The following DYM variants were observed in gnomAD, a reference collection of about 807,000 sequenced individuals.
DYM encodes the protein dyggve-Melchior-Clausen syndrome protein.
In DYM, 78 loss-of-function variants were observed where a neutral mutation model predicts 93.1. The observed-to-expected ratio is 0.84, with a 90% CI of 0.70 to 1.01. The LOEUF is 1.01. Among genes scored for constraint, DYM ranks in the 50% least tolerant of loss-of-function variants. DYM has a pLI of 0.00. For synonymous variants in DYM, 321 were observed against 319.7 expected (o/e 1.00, Z -0.04); for missense variants, 789 against 845.0 (o/e 0.93, Z 0.82).
intron 17 of DYM, among the ~76,000 whole-genome samples, chr18:49,047,715 C>T (rs748994266): frequency 2.0e-5 from 3 of 152,066 alleles, no homozygotes; most frequent in East Asian, 1.9e-4. Context: ...GATTCCAGCC[C>T]GACATGGGGT....
chr18:49,149,897 CG>C (rs1568499739), intron 15 of DYM, among the ~76,000 whole-genome samples: 1 of 151,730 alleles, frequency 6.6e-6, no homozygotes, highest in Non-Finnish European at 1.5e-5. Flanking sequence ...TTAGTAGAGA[CG>C]GGGTTTCACC....
chr18:49,239,426 C>G (rs942439336), intron 13 of DYM, among the ~76,000 whole-genome samples: 2 of 152,220 alleles, frequency 1.3e-5, no homozygotes, highest in Non-Finnish European at 2.9e-5. Context: ...AAGATGGCCA[C>G]AAATGAACCA....
At chr18:49,285,681 T>C (rs1314935341) in intron 9 of DYM, among the ~76,000 whole-genome samples, 1 of 152,230 alleles carries the variant, frequency 6.6e-6, no homozygotes. Flanking sequence ...TACACTATGA[T>C]ATTCACACAG....
chr18:49,217,061 G>A (rs1453516037), intron 13 of DYM, among the ~76,000 whole-genome samples: 1 of 152,218 alleles, frequency 6.6e-6, no homozygotes, highest in Non-Finnish European at 1.5e-5. Context: ...GTGCTTAAAG[G>A]AGCTGATGGA....
At position 49,292,340 on chromosome 18, in the gene DYM, A is replaced by AGGCAGG. The variant is rs1568187464; in HGVS notation, c.764-5725_764-5724insCCTGCC. 8.4e-5 allele frequency among the ~76,000 whole-genome samples: 8 copies of AGGCAGG among 95,466 alleles called. No individual in the cohort carries two copies. The South Asian group carries it at 2.7e-3, about 32-fold the overall frequency. The allele number at this position is 95,466 out of a possible 152,430, so 62.6% of individuals were successfully genotyped here. A position where few individuals can be genotyped will look rare whatever the true frequency, so the allele number is the denominator to read the frequency against. The stretch of plus-strand genomic sequence containing the variant: ...GGCAGGCAGGCAGGCAGGCAGGCAG[A>AGGCAGG]CAGACAGACAGACAGACACACACAC... On this transcript the variant is annotated intron_variant, in intron 8 of 17. Transcript: ENST00000675505.
chr18:49,212,395 C>CA (rs1392500466), intron 13 of DYM, among the ~76,000 whole-genome samples: 2 of 150,856 alleles, frequency 1.3e-5, no homozygotes, highest in Non-Finnish European at 3.0e-5. Context: ...TCAACCATTT[C>CA]AAAAAAAAGA....
intron 10 of DYM, among the ~76,000 whole-genome samples, chr18:49,275,263 A>G (rs1310556674): frequency 6.6e-6 from 1 of 152,142 alleles, no homozygotes; most frequent in African/African-American, 2.4e-5. Context: ...CCCTGGCTAA[A>G]AATCAGTTGA....
At chr18:49,248,486 A>C (rs1598890416) in intron 13 of DYM, among the ~76,000 whole-genome samples, 1 of 152,204 alleles carries the variant, frequency 6.6e-6, no homozygotes, top group Non-Finnish European at 1.5e-5. Flanking sequence ...AGAGATGAAA[A>C]ATAAGTTAAA....
chr18:49,426,878 AC>A (rs1209930073), intron 2 of DYM, among the ~76,000 whole-genome samples: 3 of 151,884 alleles, frequency 2.0e-5, no homozygotes, highest in African/African-American at 4.8e-5. Context: ...GATTACACCA[AC>A]CCCTTCCTGA....
chr18:49,202,563 G>C (rs1156999063), intron 14 of DYM, among the ~76,000 whole-genome samples: 1 of 129,642 alleles, frequency 7.7e-6, no homozygotes, highest in East Asian at 2.3e-4. Context: ...CCTCTTCCCA[G>C]CCGCCATCAC....
At chr18:49,442,050 C>T (rs57748509) in intron 1 of DYM, among the ~76,000 whole-genome samples, 1 of 152,064 alleles carries the variant, frequency 6.6e-6, no homozygotes, top group African/African-American at 2.4e-5. Flanking sequence ...TGAATAGGAA[C>T]CTAGGGAAAA....
At chr18:49,093,791 A>G (rs2079296575) in intron 17 of DYM, among the ~76,000 whole-genome samples, 1 of 152,186 alleles carries the variant, frequency 6.6e-6, no homozygotes, top group Non-Finnish European at 1.5e-5. Flanking sequence ...CAAAGAAACG[A>G]AAGATGCTTA....
At chr18:49,199,588 T>C (rs904409867) in intron 14 of DYM, among the ~76,000 whole-genome samples, 1 of 152,226 alleles carries the variant, frequency 6.6e-6, no homozygotes, top group Non-Finnish European at 1.5e-5. Flanking sequence ...GGATAATACA[T>C]TTCATTTCAT....
At position 49,041,264 on chromosome 18, in the gene DYM, T is replaced by C. The variant is rs562461955; in HGVS notation, c.*2791A>G. On this transcript the variant is annotated 3_prime_UTR_variant, in exon 18 of 18. Coordinates refer to ENST00000675505, the MANE Select transcript of DYM (RefSeq NM_001353214.3). ...GAACTCTTGATAGGGAAGATGCTAT[T>C]GAAAGGGACAAATTCTTTTAAAAGT... Among the ~76,000 whole-genome samples, 4 of 152,322 alleles carry C rather than the reference T, an allele frequency of 2.6e-5. No individual in the cohort carries two copies. Among genetic ancestry groups the C allele is most frequent in the Admixed American group, 2.6e-4 (4 of 15,300 alleles).
chr18:49,145,626 C>G (rs1327695012), intron 15 of DYM, among the ~76,000 whole-genome samples: 1 of 152,138 alleles, frequency 6.6e-6, no homozygotes, highest in East Asian at 1.9e-4. Context: ...AAATGAGTAT[C>G]AACCTGTCCC....
intron 10 of DYM, among the ~76,000 whole-genome samples, chr18:49,275,021 C>G (rs2094815420): frequency 6.6e-6 from 1 of 152,002 alleles, no homozygotes; most frequent in Non-Finnish European, 1.5e-5. Context: ...ATTGCTCATG[C>G]TTTTGTTGTT....
chr18:49,260,137 T>G (rs2094466511), intron 11 of DYM, among the ~76,000 whole-genome samples: 1 of 152,208 alleles, frequency 6.6e-6, no homozygotes, highest in African/African-American at 2.4e-5. Flanking sequence ...CTGGGCACAG[T>G]GGCTGATGTC....
intron 16 of DYM, among the ~76,000 whole-genome samples, chr18:49,115,312 A>G (rs2053515): frequency 0.14 from 20,116 of 139,404 alleles, 1,732 homozygotes; most frequent in African/African-American, 0.26. Context: ...GACCACAGGG[A>G]AAAAAAAAAA....
chr18:49,220,621 C>G (rs1361398443), intron 13 of DYM, among the ~76,000 whole-genome samples: 1 of 151,992 alleles, frequency 6.6e-6, no homozygotes, highest in Non-Finnish European at 1.5e-5. Context: ...ACTATCTGAT[C>G]GTTGACAAAC....
Sources: gnomAD v4.1 joint callset for allele counts (sites outside exome capture counted in the v4.1 genomes callset) on GRCh38, gnomAD v4.1.1 for gene constraint, MANE v1.5 for transcripts, NCBI Gene and HGNC (gene_info 2026-07-23, HGNC 2026-07-21) for gene names.